AGPAT5: variants seen among roughly 807,000 people sequenced by gnomAD.
The protein encoded by AGPAT5 is 1-acylglycerol-3-phosphate O-acyltransferase 5.
Under a neutral mutation model 45.6 loss-of-function variants are expected in AGPAT5, and 46 were observed. The ratio of observed to expected loss-of-function variants is 1.01; its 90% CI spans 0.80 to 1.29. AGPAT5 has a LOEUF of 1.29. Ranked by LOEUF, AGPAT5 falls within the 50% of genes most tolerant of loss-of-function variation. AGPAT5 has a pLI of 0.00. For synonymous variants in AGPAT5, 272 were observed against 167.0 expected (o/e 1.63, Z -4.85); for missense variants, 673 against 450.7 (o/e 1.49, Z -4.47).
intron 1 of AGPAT5, among the ~76,000 whole-genome samples, chr8:6,716,100 C>CTGT (rs1800320385): frequency 6.6e-6 from 1 of 152,142 alleles, no homozygotes; most frequent in African/African-American, 2.4e-5. Flanking sequence ...TGATGTTACC[C>CTGT]CATCTCATTG....
intron 5 of AGPAT5, among the ~76,000 whole-genome samples, chr8:6,742,673 A>T (rs1394641563): frequency 6.6e-6 from 1 of 152,198 alleles, no homozygotes; most frequent in African/African-American, 2.4e-5. Context: ...CTAATTTTTA[A>T]TTTTATTTAA....
intron 1 of AGPAT5, among the ~76,000 whole-genome samples, chr8:6,712,388 A>C (rs1057173671): frequency 6.8e-6 from 1 of 147,912 alleles, no homozygotes; most frequent in Non-Finnish European, 1.5e-5. Flanking sequence ...ATATATATAT[A>C]TGGAAATAAC....
At position 6,757,969 on chromosome 8, in the gene AGPAT5, T is replaced by C. The variant is rs1801901189; in HGVS notation, c.*581T>C. ...TATTGTATTGCGTTATTAGCTGATT[T>C]TACTCATTTTATATTTGCAAAATAA... is the stretch of plus-strand genomic sequence containing the variant. On this transcript the variant is annotated 3_prime_UTR_variant, in exon 8 of 8. Transcript: ENST00000285518. 1 of 152,254 alleles carries C rather than the reference T, an allele frequency of 6.6e-6. No individual in the cohort carries two copies. The highest frequency in any genetic ancestry group is 1.5e-5 in the Non-Finnish European group (1 of 68,060). The allele number at this position is 152,254 out of a possible 1,614,324, so 9.4% of individuals were successfully genotyped here.
intron 6 of AGPAT5, among the ~76,000 whole-genome samples, chr8:6,750,979 G>A (rs1454136381): frequency 6.6e-6 from 1 of 151,776 alleles, no homozygotes; most frequent in Middle Eastern, 3.2e-3. Context: ...ATAATAACAC[G>A]TTTTTCCTTC....
chr8:6,741,908 T>C (rs188271775), intron 5 of AGPAT5, among the ~76,000 whole-genome samples, 157 bp downstream of exon 5: 385 of 152,344 alleles, frequency 2.5e-3, no homozygotes, highest in Middle Eastern at 0.01. Context: ...AAATGAAGTT[T>C]CTTCTCCTTA....
At chr8:6,751,767 T>C (rs1801662679) in intron 6 of AGPAT5, among the ~76,000 whole-genome samples, 1 of 152,226 alleles carries the variant, frequency 6.6e-6, no homozygotes, top group South Asian at 2.1e-4. Flanking sequence ...AATTGTGTGC[T>C]TAAGGACAAC....
At chr8:6,716,917 A>T (rs1800352193) in intron 1 of AGPAT5, among the ~76,000 whole-genome samples, 1 of 152,220 alleles carries the variant, frequency 6.6e-6, no homozygotes, top group African/African-American at 2.4e-5. Flanking sequence ...GTGGAAATGT[A>T]TATGAATCTC....
At chr8:6,710,113 A>C (rs1800101804) in intron 1 of AGPAT5, among the ~76,000 whole-genome samples, 1 of 151,892 alleles carries the variant, frequency 6.6e-6, no homozygotes, top group South Asian at 2.1e-4. Flanking sequence ...TCAGAACACA[A>C]AGTCATTCAC....
intron 1 of AGPAT5, among the ~76,000 whole-genome samples, chr8:6,716,154 T>A (rs2116857835): frequency 1.3e-5 from 2 of 152,348 alleles, no homozygotes; most frequent in South Asian, 2.1e-4. Flanking sequence ...AATACTGATA[T>A]AACATTAGCA....
chr8:6,751,248 CTATA>C (rs1801645985), intron 6 of AGPAT5, among the ~76,000 whole-genome samples: 2 of 152,194 alleles, frequency 1.3e-5, no homozygotes, highest in East Asian at 1.9e-4. Context: ...AATATTATCT[CTATA>C]TATAGTAGGC....
chr8:6,751,743 G>A (rs986935988), intron 6 of AGPAT5, among the ~76,000 whole-genome samples: 13 of 152,046 alleles, frequency 8.6e-5, no homozygotes, highest in African/African-American at 2.7e-4. Flanking sequence ...TGAAGTGGCT[G>A]TTGTAATGTA....
chr8:6,747,538 A>T, intron 5 of AGPAT5, 132 bp from the exon 6 acceptor site: 1 of 845,010 alleles, frequency 1.2e-6, no homozygotes, highest in Non-Finnish European at 1.8e-6. Flanking sequence ...AGAGCCCTAA[A>T]TATATGAGGT....
Position 6,709,030 on chromosome 8 carries a change from C to G in AGPAT5, c.219+143C>G, listed in dbSNP as rs575564844. 3.7e-6 allele frequency: 3 copies of G among 806,366 alleles called. No homozygotes were observed. In the South Asian group the frequency reaches 4.4e-5, roughly 12 times the overall value. The allele number at this position is 806,366 out of a possible 1,614,324, so 50.0% of individuals were successfully genotyped here. On this transcript the variant is annotated intron_variant, in intron 1 of 7. Coordinates refer to ENST00000285518, the MANE Select transcript of AGPAT5 (RefSeq NM_018361.5). ...AGAGCACGTGCCGCCTCCCCGCCTT[C>G]CTCTCCGCATGCTTCCTGCCGTTCT...
intron 5 of AGPAT5, among the ~76,000 whole-genome samples, chr8:6,743,007 CTG>C (rs1801287944): frequency 6.6e-6 from 1 of 152,234 alleles, no homozygotes; most frequent in South Asian, 2.1e-4. Flanking sequence ...ACTCTCGAAT[CTG>C]TAGTCTACCT....
chr8:6,736,006 G>A (rs1801041939), intron 4 of AGPAT5, among the ~76,000 whole-genome samples: 2 of 151,670 alleles, frequency 1.3e-5, no homozygotes, highest in East Asian at 1.9e-4. Flanking sequence ...GGCGTGCACC[G>A]CCATGCCCGG....
intron 1 of AGPAT5, among the ~76,000 whole-genome samples, chr8:6,717,829 G>GA (rs1168219600): frequency 2.0e-5 from 3 of 152,072 alleles, no homozygotes; most frequent in Non-Finnish European, 4.4e-5. Context: ...TATTCAAAGT[G>GA]AAAAAAATTA....
At chr8:6,709,178 C>G in intron 1 of AGPAT5, 1 of 487,702 alleles carries the variant, frequency 2.1e-6, no homozygotes, top group Non-Finnish European at 3.8e-6. Flanking sequence ...TGCAGATGCA[C>G]GTTTTAAATA....
At chr8:6,718,729 G>C (rs181242755) in intron 1 of AGPAT5, among the ~76,000 whole-genome samples, 3 of 152,296 alleles carry the variant, frequency 2.0e-5, no homozygotes, top group East Asian at 1.9e-4. Flanking sequence ...AGCTTCATTT[G>C]CTGTTCAGAC....
At chr8:6,732,970 TCTTA>T (rs1161812863) in intron 4 of AGPAT5, among the ~76,000 whole-genome samples, 2 of 152,188 alleles carry the variant, frequency 1.3e-5, no homozygotes, top group Admixed American at 6.5e-5. Flanking sequence ...TACAAGCTCA[TCTTA>T]CTTCTTGTCT....
Sources: gnomAD v4.1 joint callset for allele counts (sites outside exome capture counted in the v4.1 genomes callset) on GRCh38, gnomAD v4.1.1 for gene constraint, MANE v1.5 for transcripts, NCBI Gene and HGNC (gene_info 2026-07-23, HGNC 2026-07-21) for gene names.